PCSK1: variants seen among roughly 807,000 people sequenced by gnomAD.
The protein encoded by PCSK1 is neuroendocrine convertase 1.
A neutral mutation model predicts 90.6 loss-of-function variants in PCSK1; 56 were observed. The observed-to-expected ratio is 0.62, with a 90% CI of 0.50 to 0.77. The LOEUF is 0.77. PCSK1 is among the 30% of genes least tolerant of loss of function. The pLI is 0.00. For missense variants in PCSK1, 801 were observed against 932.6 expected, an observed-to-expected ratio of 0.86 and a Z score of 1.84; for synonymous variants, 348 against 342.4, an observed-to-expected ratio of 1.02 and a Z score of -0.18.
At chr5:96,424,648 T>C (rs1023507666) in intron 3 of PCSK1, among the ~76,000 whole-genome samples, 1 of 152,174 alleles carries the variant, frequency 6.6e-6, no homozygotes, top group African/African-American at 2.4e-5. Flanking sequence ...TCTCTTCTGC[T>C]GCAATGAGCA....
intron 3 of PCSK1, 115 bp downstream of exon 3, chr5:96,425,705 G>C (rs1761284703): frequency 1.4e-6 from 1 of 692,452 alleles, no homozygotes; most frequent in Non-Finnish European, 2.6e-6. Context: ...AGACAATATA[G>C]CTCCCTATGA....
rs6235 is a variant in PCSK1 at position 96,393,194 on chromosome 5, C to G, written c.2069G>C (p.Ser690Thr). Residue 690 changes from serine (S) to threonine (T), a missense_variant, in exon 14 of 14, where the codon AGT (serine) becomes ACT (threonine). Ser to Thr is a moderately conservative substitution (Grantham distance 58, BLOSUM62 1). Coordinates refer to ENST00000311106, the MANE Select transcript of PCSK1 (RefSeq NM_000439.5). ...PPKQSPKKSP[S>T]AKLNIPYENF... ...TTCATAAGGGATGTTGAGCTTTGCA[C>G]TTGGGGACTTCTTTGGTGATTGCTT... 424,550 of 1,613,804 alleles carry G rather than the reference C, an allele frequency of 0.26. 57,039 individuals carry two copies. The highest frequency in any genetic ancestry group is 0.3 in the South Asian group (27,643 of 91,054).
chr5:96,418,998 A>C (rs920961588), intron 5 of PCSK1, among the ~76,000 whole-genome samples: 5 of 152,118 alleles, frequency 3.3e-5, no homozygotes, highest in African/African-American at 1.2e-4. Flanking sequence ...CACAGCAAAC[A>C]CTTACTTAAC....
At chr5:96,418,307 G>A (rs1760998857) in intron 5 of PCSK1, among the ~76,000 whole-genome samples, 2 of 152,134 alleles carry the variant, frequency 1.3e-5, no homozygotes, top group South Asian at 4.1e-4. Flanking sequence ...TAGAACAATG[G>A]TAGTAACTGG....
In PCSK1 at chr5:96,393,176, G is replaced by C. The variant is rs1435645042; in HGVS notation, c.2087C>G (p.Pro696Arg). The C allele has an allele frequency of 1.2e-6, 2 of 1,614,032 alleles. No homozygotes were observed. The highest frequency in any genetic ancestry group is 1.7e-6 in the Non-Finnish European group (2 of 1,180,018). Reference protein sequence around the residue: ...KKSPSAKLNIPYENFYEALEK... With the variant: ...KKSPSAKLNIRYENFYEALEK... ...CAGGGCTTCGTAGAAGTTTTCATAAGGGATGTTGAGCTTTGCACTTGGGGA... is the reference window on the plus strand; with the variant it reads ...CAGGGCTTCGTAGAAGTTTTCATAACGGATGTTGAGCTTTGCACTTGGGGA... The change falls in exon 14 of 14, where the codon CCT becomes CGT. Residue 696 changes from proline (P) to arginine (R), a missense_variant. By Grantham distance (103) the Pro-to-Arg change is moderately radical. Coordinates refer to ENST00000311106, the MANE Select transcript of PCSK1 (RefSeq NM_000439.5).
At chr5:96,427,122 T>C (rs1761333926) in intron 2 of PCSK1, among the ~76,000 whole-genome samples, 1 of 152,192 alleles carries the variant, frequency 6.6e-6, no homozygotes, top group Non-Finnish European at 1.5e-5. Context: ...AACAGACTTG[T>C]AAAGATAGAC....
chr5:96,415,805 A>T (rs1580759721), intron 6 of PCSK1, among the ~76,000 whole-genome samples: 1 of 151,132 alleles, frequency 6.6e-6, no homozygotes, highest in East Asian at 1.9e-4. Context: ...ACATTTCCAC[A>T]TTTTTTTTTC....
chr5:96,411,826 T>C (rs1446952562), intron 7 of PCSK1, among the ~76,000 whole-genome samples: 1 of 152,224 alleles, frequency 6.6e-6, no homozygotes, highest in Non-Finnish European at 1.5e-5. Flanking sequence ...ATATTTAGTT[T>C]TGAGGCAGGG....
intron 4 of PCSK1, among the ~76,000 whole-genome samples, chr5:96,422,924 T>A (rs1188071503): frequency 6.9e-6 from 1 of 145,052 alleles, no homozygotes; most frequent in Non-Finnish European, 1.5e-5. Context: ...TTTTACAATG[T>A]CAGGGATATA....
rs752960653 is a variant in PCSK1, at chr5:96,394,856, A to C, written c.1884+8T>G. The stretch of plus-strand genomic sequence containing the variant: ...AAGAGAGCATGCCAAGAACAGAGCC[A>C]CACAGACCTCCCCTGGATCCACCAT... On this transcript the variant is annotated splice_region_variant and intron_variant, in intron 13 of 13. Coordinates refer to ENST00000311106, the MANE Select transcript of PCSK1 (RefSeq NM_000439.5). 1.9e-5 allele frequency: 30 copies of C among 1,613,812 alleles called. No homozygotes were observed. Among genetic ancestry groups the C allele is most frequent in the Admixed American group, 6.7e-5 (4 of 60,006 alleles).
At chr5:96,425,654 A>G (rs1330180666) in intron 3 of PCSK1, among the ~76,000 whole-genome samples, 166 bp downstream of exon 3, 1 of 152,150 alleles carries the variant, frequency 6.6e-6, no homozygotes, top group African/African-American at 2.4e-5. Flanking sequence ...TCAGCAAAAC[A>G]GAAGAGGCAG....
At position 96,391,154 on chromosome 5, in the gene PCSK1, G is replaced by A. The variant is rs1418914413; in HGVS notation, c.*1847C>T. On this transcript the variant is annotated 3_prime_UTR_variant, in exon 14 of 14. Transcript: ENST00000311106. ...TATATGAAACTTCCAAGGACAGAGTGATTCCGCAAGTCTTTTAGGAGAACA... is the reference window on the plus strand; with the variant it reads ...TATATGAAACTTCCAAGGACAGAGTAATTCCGCAAGTCTTTTAGGAGAACA... 6.6e-6 allele frequency: 1 copy of A among 152,226 alleles called. No individual in the cohort carries two copies. The highest frequency in any genetic ancestry group is 1.5e-5 in the Non-Finnish European group (1 of 68,040). The allele number at this position is 152,226 out of a possible 1,614,324, so 9.4% of individuals were successfully genotyped here.
Position 96,433,103 on chromosome 5 carries a change from G to T in PCSK1, c.-61C>A, listed in dbSNP as rs1761560703. The T allele has an allele frequency of 6.6e-7, 1 of 1,514,486 alleles. No homozygotes were observed. Among genetic ancestry groups the T allele is most frequent in the Non-Finnish European group, 9.2e-7 (1 of 1,090,466 alleles). The allele number at this position is 1,514,486 out of a possible 1,614,324, so 93.8% of individuals were successfully genotyped here. ...AAGAGGAAAAAGAAGCAAGATAGGA[G>T]AAAAGCCAGACAGACTCCCCCTTCC... On this transcript the variant is annotated 5_prime_UTR_variant, in exon 1 of 14. Transcript: ENST00000311106.
At chr5:96,429,436 G>A in intron 1 of PCSK1, 119 bp from the exon 2 acceptor site, 1 of 642,678 alleles carries the variant, frequency 1.6e-6, no homozygotes, top group South Asian at 1.8e-5. Flanking sequence ...CCTGGTATCT[G>A]AAATTAATAT....
chr5:96,424,401 G>T (rs920332834), intron 3 of PCSK1, among the ~76,000 whole-genome samples: 6 of 152,178 alleles, frequency 3.9e-5, no homozygotes, highest in African/African-American at 1.2e-4. Flanking sequence ...AACAATTTTA[G>T]ACTGTAGTTG....
chr5:96,394,911 C>T lies in PCSK1; in HGVS notation c.1837G>A (p.Val613Ile). 11 of 1,614,138 alleles carry T rather than the reference C, an allele frequency of 6.8e-6. No homozygotes were observed. Among genetic ancestry groups the T allele is most frequent in the Non-Finnish European group, 9.3e-6 (11 of 1,180,000 alleles). The change falls in exon 13 of 14, where the codon GTT (valine) becomes ATT (isoleucine). Residue 613 changes from valine (V) to isoleucine (I), a missense_variant. Coordinates refer to ENST00000311106, the MANE Select transcript of PCSK1 (RefSeq NM_000439.5). ...QPRVYTSYNT[V>I]QNDRRGVEKM... ...TCCACCCCTCTTCTGTCATTCTGAA[C>T]AGTGTTGTAGGACGTGTACACACGA...
chr5:96,399,958 C>T lies in PCSK1; in HGVS notation c.1425G>A (p.Glu475=). ...AAATTCCAGGAGATACTTACCTGGG[C>T]TCAAAGTCATTGTCCTTTACAACAC... is the stretch of plus-strand genomic sequence containing the variant. ...KECVVKDNDF[E]PRALKANGEV... Residue 475 remains glutamate, a synonymous_variant, in exon 10 of 14, where the codon GAG becomes GAA. Transcript: ENST00000311106. The T allele has an allele frequency of 1.9e-6, 3 of 1,611,644 alleles. No homozygotes were observed. Among genetic ancestry groups the T allele is most frequent in the African/African-American group, 1.3e-5 (1 of 74,988 alleles).
chr5:96,404,100 G>C (rs758272038), intron 9 of PCSK1, among the ~76,000 whole-genome samples: 2 of 152,114 alleles, frequency 1.3e-5, no homozygotes, highest in Non-Finnish European at 2.9e-5. Flanking sequence ...AAACATTTAT[G>C]CAAGGAATTC....
intron 9 of PCSK1, among the ~76,000 whole-genome samples, chr5:96,404,206 C>T (rs184348994): frequency 4.3e-4 from 66 of 152,254 alleles, no homozygotes; most frequent in Middle Eastern, 6.8e-3. Flanking sequence ...TAGGAAAACA[C>T]AGTGGTAAAA....
Sources: gnomAD v4.1 joint callset for allele counts (sites outside exome capture counted in the v4.1 genomes callset) on GRCh38, gnomAD v4.1.1 for gene constraint, MANE v1.5 for transcripts, NCBI Gene and HGNC (gene_info 2026-07-23, HGNC 2026-07-21) for gene names.